The following CAMKMT variants were observed in gnomAD, a reference collection of about 807,000 sequenced individuals.
CAMKMT encodes the protein CaM KMT.
Under a neutral mutation model 48.0 loss-of-function variants are expected in CAMKMT, and 53 were observed. The ratio of observed to expected loss-of-function variants is 1.10; its 90% CI spans 0.89 to 1.39. The LOEUF (loss-of-function observed/expected upper bound fraction) is 1.39, where lower values mean the gene tolerates loss of function less well. Ranked by LOEUF, CAMKMT falls within the 40% of genes most tolerant of loss-of-function variation. CAMKMT has a pLI of 0.00. For synonymous variants in CAMKMT, 165 were observed against 152.3 expected, an observed-to-expected ratio of 1.08 and a Z score of -0.61; for missense variants, 428 against 402.7, an observed-to-expected ratio of 1.06 and a Z score of -0.54.
intron 3 of CAMKMT, among the ~76,000 whole-genome samples, chr2:44,443,042 G>A (rs1666767705): frequency 6.6e-6 from 1 of 152,090 alleles, no homozygotes; most frequent in African/African-American, 2.4e-5. Flanking sequence ...GTAGATTTTA[G>A]AGCTTAGGAA....
chr2:44,711,836 A>G (rs1489738487), intron 6 of CAMKMT, among the ~76,000 whole-genome samples: 1 of 152,148 alleles, frequency 6.6e-6, no homozygotes, highest in Non-Finnish European at 1.5e-5. Flanking sequence ...TGTTTTAGAG[A>G]TGGAGCTCAG....
intron 3 of CAMKMT, among the ~76,000 whole-genome samples, chr2:44,632,832 C>T (rs1362022659): frequency 6.6e-6 from 1 of 152,152 alleles, no homozygotes; most frequent in Non-Finnish European, 1.5e-5. Flanking sequence ...ACATCTTTCT[C>T]CTATGCTGAA....
chr2:44,535,035 C>A (rs1054951817), intron 3 of CAMKMT, among the ~76,000 whole-genome samples: 1 of 150,530 alleles, frequency 6.6e-6, no homozygotes, highest in Non-Finnish European at 1.5e-5. Context: ...GAGAGAGAGA[C>A]CCAAATAAAA....
At chr2:44,407,418 C>T (rs79628210) in intron 3 of CAMKMT, among the ~76,000 whole-genome samples, 8,489 of 152,184 alleles carry the variant, frequency 0.056, 300 homozygotes, top group South Asian at 0.13. Flanking sequence ...TCTCCCCAGA[C>T]GGCAATACAC....
At chr2:44,731,622 G>C (rs1448616308) in intron 7 of CAMKMT, among the ~76,000 whole-genome samples, 1 of 152,042 alleles carries the variant, frequency 6.6e-6, no homozygotes, top group Admixed American at 6.5e-5. Context: ...AAATTGACTT[G>C]GTTTTGTTTT....
At chr2:44,441,820 T>C (rs1666681191) in intron 3 of CAMKMT, among the ~76,000 whole-genome samples, 1 of 152,214 alleles carries the variant, frequency 6.6e-6, no homozygotes, top group Non-Finnish European at 1.5e-5. Flanking sequence ...ACCACAGTTT[T>C]CTGTGCATTT....
At chr2:44,627,803 G>A (rs535277505) in intron 3 of CAMKMT, among the ~76,000 whole-genome samples, 1 of 139,010 alleles carries the variant, frequency 7.2e-6, no homozygotes, top group East Asian at 2.3e-4. Flanking sequence ...GGATTCAAGC[G>A]ATTCTCATTC....
chr2:44,672,727 T>C (rs1260138952), intron 3 of CAMKMT, among the ~76,000 whole-genome samples: 1 of 152,190 alleles, frequency 6.6e-6, no homozygotes, highest in Non-Finnish European at 1.5e-5. Context: ...CAGGCACTTT[T>C]GTACATTTCT....
At chr2:44,455,589 G>T (rs1377563782) in intron 3 of CAMKMT, among the ~76,000 whole-genome samples, 1 of 152,174 alleles carries the variant, frequency 6.6e-6, no homozygotes, top group African/African-American at 2.4e-5. Context: ...AAAATTGTTT[G>T]CTGGTTAAGA....
rs1434989491 is a variant in CAMKMT at position 44,618,713 on chromosome 2, T to C, written c.377-85570T>C. On this transcript the variant is annotated intron_variant, in intron 3 of 10. Transcript: ENST00000378494. This position sits in a 1 kb window ranked among gnomAD's most constrained non-coding sequence, Gnocchi z 4.0. ...ATGTGTAGTTGTCATGCTTAAAATA[T>C]TCATATGAAGGTTTGAAATATTTAT... Among the ~76,000 whole-genome samples the C allele has an allele frequency of 6.6e-6, 1 of 152,194 alleles. No individual in the cohort carries two copies. Among genetic ancestry groups the C allele is most frequent in the Non-Finnish European group, 1.5e-5 (1 of 68,018 alleles).
intron 3 of CAMKMT, among the ~76,000 whole-genome samples, chr2:44,466,278 T>C (rs1229208798): frequency 6.6e-6 from 1 of 152,184 alleles, no homozygotes; most frequent in African/African-American, 2.4e-5. Context: ...TGTTAGGCCA[T>C]CAAAAGCGGT....
At chr2:44,656,397 A>C (rs1470058460) in intron 3 of CAMKMT, among the ~76,000 whole-genome samples, 1 of 151,978 alleles carries the variant, frequency 6.6e-6, no homozygotes, top group Non-Finnish European at 1.5e-5. Flanking sequence ...GCTGCTTCTG[A>C]AAGTATGTTT....
At chr2:44,529,095 G>GT (rs1335506375) in intron 3 of CAMKMT, among the ~76,000 whole-genome samples, 4 of 152,146 alleles carry the variant, frequency 2.6e-5, no homozygotes, top group African/African-American at 9.7e-5. Context: ...AGAAAAGGCA[G>GT]ATTAAATGCT....
At chr2:44,769,864 T>C (rs1490901153) in intron 10 of CAMKMT, among the ~76,000 whole-genome samples, 1 of 152,152 alleles carries the variant, frequency 6.6e-6, no homozygotes, top group Non-Finnish European at 1.5e-5. Context: ...TAATTGTGGA[T>C]ACTGTAAAGG....
At chr2:44,393,798 CTTTT>C in intron 3 of CAMKMT, among the ~76,000 whole-genome samples, 1 of 152,298 alleles carries the variant, frequency 6.6e-6, no homozygotes, top group African/African-American at 2.4e-5. Flanking sequence ...CTTGCTTCTG[CTTTT>C]TCTGTGGGCA....
At chr2:44,646,923 G>A (rs1388659962) in intron 3 of CAMKMT, among the ~76,000 whole-genome samples, 1 of 152,226 alleles carries the variant, frequency 6.6e-6, no homozygotes, top group Non-Finnish European at 1.5e-5. Context: ...CTCTTCTCCA[G>A]TTGGAAGGTG....
At chr2:44,516,255 T>C (rs1670827904) in intron 3 of CAMKMT, among the ~76,000 whole-genome samples, 1 of 152,188 alleles carries the variant, frequency 6.6e-6, no homozygotes, top group South Asian at 2.1e-4. Flanking sequence ...GCGAGTTTTT[T>C]AGAAACACTT....
Position 44,733,997 on chromosome 2 carries a change from T to G in CAMKMT, c.624-9625T>G, listed in dbSNP as rs76842463. On this transcript the variant is annotated intron_variant, in intron 7 of 10. Transcript: ENST00000378494. ...CAGGCTAGAGGTTTATCAATTTTATTGATCTCAAAGAATCAGTGTTTGGTT... is the reference window on the plus strand; with the variant it reads ...CAGGCTAGAGGTTTATCAATTTTATGGATCTCAAAGAATCAGTGTTTGGTT... Among the ~76,000 whole-genome samples the G allele has an allele frequency of 5.1e-3, 777 of 152,270 alleles. 10 individuals are homozygous for G. The highest frequency in any genetic ancestry group is 0.018 in the African/African-American group (742 of 41,576).
rs1278054336 is a variant in CAMKMT at position 44,456,831 on chromosome 2, AATT to A, written c.376+66529_376+66531del. 7 of 457,510 alleles carry A rather than the reference AATT, an allele frequency of 1.5e-5. No individual in the cohort carries two copies. In the Admixed American group the frequency reaches 1.6e-4, roughly 10 times the overall value. The allele number at this position is 457,510 out of a possible 1,614,324, so 28.3% of individuals were successfully genotyped here. ...TTTACGATTTCTCCTTCTCCAGCCC[AATT>A]ATGTTTTCTACAAAGCTAGTGTCTG... On this transcript the variant is annotated intron_variant, in intron 3 of 10. Coordinates refer to ENST00000378494, the MANE Select transcript of CAMKMT (RefSeq NM_024766.5).
Sources: gnomAD v4.1 joint callset for allele counts (sites outside exome capture counted in the v4.1 genomes callset) on GRCh38, gnomAD v4.1.1 for gene constraint, Gnocchi (gnomAD v3.1) non-coding constraint, MANE v1.5 for transcripts, NCBI Gene and HGNC (gene_info 2026-07-23, HGNC 2026-07-21) for gene names.